The following CREB5 variants were observed in gnomAD, a reference collection of about 807,000 sequenced individuals.
CREB5 encodes the protein cyclic AMP-responsive element-binding protein 5.
CREB5 carries 19 observed loss-of-function variants against 57.1 expected under a neutral mutation model. That is an observed-to-expected ratio of 0.33 (90% CI 0.23 to 0.49). The LOEUF (loss-of-function observed/expected upper bound fraction) is 0.49, where lower values mean the gene tolerates loss of function less well. Ranked by LOEUF, CREB5 falls within the 20% of genes least tolerant of loss-of-function variation. The pLI, the probability that CREB5 is intolerant of heterozygous loss-of-function variation, is 0.99. For synonymous variants in CREB5, 238 were observed against 238.3 expected (o/e 1.00, Z 0.01); for missense variants, 579 against 671.6 (o/e 0.86, Z 1.52).
At chr7:28,398,573 T>C (rs1787383605) in intron 1 of CREB5, among the ~76,000 whole-genome samples, 1 of 152,228 alleles carries the variant, frequency 6.6e-6, no homozygotes, top group African/African-American at 2.4e-5. Flanking sequence ...AGGGAGAATA[T>C]ATATTGCTTT....
intron 3 of CREB5, among the ~76,000 whole-genome samples, chr7:28,497,466 G>T (rs1428020912): frequency 6.6e-6 from 1 of 152,204 alleles, no homozygotes; most frequent in Non-Finnish European, 1.5e-5. Flanking sequence ...AAAATGAAGA[G>T]AAAAACAGTA....
At chr7:28,711,532 C>T (rs556798269) in intron 5 of CREB5, among the ~76,000 whole-genome samples, 4 of 152,234 alleles carry the variant, frequency 2.6e-5, no homozygotes, top group South Asian at 2.1e-4. Context: ...GGTAATAAGA[C>T]GTCTTTTAAA....
chr7:28,354,821 A>G (rs1786308040), intron 1 of CREB5, among the ~76,000 whole-genome samples: 1 of 152,154 alleles, frequency 6.6e-6, no homozygotes, highest in Non-Finnish European at 1.5e-5. Flanking sequence ...ACTTGTTGAT[A>G]ATGGGAGAAG....
chr7:28,495,037 G>C, intron 3 of CREB5, 38 bp downstream of exon 3: 1 of 1,451,410 alleles, frequency 6.9e-7, no homozygotes, highest in Non-Finnish European at 9.4e-7. Context: ...TGGGTGATCA[G>C]ATCTGTTCCA....
At chr7:28,646,304 C>T (rs1798885140) in intron 5 of CREB5, among the ~76,000 whole-genome samples, 1 of 152,082 alleles carries the variant, frequency 6.6e-6, no homozygotes, top group Non-Finnish European at 1.5e-5. Context: ...TCTAAAGATC[C>T]CGAGCAAACC....
intron 1 of CREB5, among the ~76,000 whole-genome samples, chr7:28,358,223 T>C (rs1786385081): frequency 1.3e-5 from 2 of 152,212 alleles, no homozygotes; most frequent in African/African-American, 2.4e-5. Flanking sequence ...ACAGGCTCTG[T>C]CTACCTTATC....
chr7:28,769,239 A>G (rs1806188727), intron 7 of CREB5, among the ~76,000 whole-genome samples: 2 of 152,236 alleles, frequency 1.3e-5, no homozygotes, highest in Admixed American at 1.3e-4. Context: ...ATGAACCTCT[A>G]GTGCTTGTAA....
In CREB5 at chr7:28,466,417, G is replaced by T. The variant is rs974718963; in HGVS notation, c.4-21758G>T. On this transcript the variant is annotated intron_variant, in intron 1 of 10. Coordinates refer to ENST00000357727, the MANE Select transcript of CREB5 (RefSeq NM_182898.4). ...AAGCCTGTAGGCGTTGCAGTTGGCA[G>T]ATGTGTGTTTGGTTCCTGGCTCTCT... Among the ~76,000 whole-genome samples the T allele has an allele frequency of 2.6e-5, 4 of 152,182 alleles. No individual in the cohort carries two copies. The East Asian group carries it at 5.8e-4, about 22-fold the overall frequency.
intron 5 of CREB5, among the ~76,000 whole-genome samples, chr7:28,576,998 T>C (rs903639759): frequency 2.6e-5 from 4 of 152,230 alleles, no homozygotes; most frequent in Admixed American, 6.5e-5. Context: ...ATTGAAAAGA[T>C]ATGCCTGGAA....
chr7:28,656,187 G>A (rs768347777), intron 5 of CREB5, among the ~76,000 whole-genome samples: 25 of 152,070 alleles, frequency 1.6e-4, no homozygotes, highest in Non-Finnish European at 3.5e-4. Context: ...AACCAAAAAG[G>A]CACAATGAAC....
intron 7 of CREB5, chr7:28,749,537 A>T (rs1804863929): frequency 6.6e-6 from 1 of 152,266 alleles, no homozygotes; most frequent in Admixed American, 6.5e-5. Flanking sequence ...ATTATTATTG[A>T]ACAAGAAATC....
intron 1 of CREB5, among the ~76,000 whole-genome samples, chr7:28,429,580 A>G (rs1352518883): frequency 6.6e-6 from 1 of 152,196 alleles, no homozygotes; most frequent in Non-Finnish European, 1.5e-5. Flanking sequence ...TGCCTTGGGA[A>G]CAAACGCTTT....
chr7:28,702,270 A>G (rs915086562), intron 5 of CREB5, among the ~76,000 whole-genome samples: 31 of 152,244 alleles, frequency 2.0e-4, no homozygotes, highest in African/African-American at 6.8e-4. Flanking sequence ...GAGCTTCAAC[A>G]ACTGAAACCA....
At chr7:28,457,388 C>T (rs1294298583) in intron 1 of CREB5, among the ~76,000 whole-genome samples, 1 of 152,102 alleles carries the variant, frequency 6.6e-6, no homozygotes, top group East Asian at 1.9e-4. Context: ...CTGAAATAAG[C>T]AGAGGGATGA....
rs141060327 is a variant in CREB5 at position 28,515,623 on chromosome 7, T to G, written c.291+7886T>G. ...AGAGGCATGTTTCACCCTCCCACTC[T>G]GGGACTCAGCTCCCTCCCTACCCTC... On this transcript the variant is annotated intron_variant, in intron 4 of 10. Coordinates refer to ENST00000357727, the MANE Select transcript of CREB5 (RefSeq NM_182898.4). Among the ~76,000 whole-genome samples the G allele has an allele frequency of 4.9e-3, 739 of 152,258 alleles. 7 individuals are homozygous for G. Among genetic ancestry groups the G allele is most frequent in the African/African-American group, 0.017 (704 of 41,542 alleles).
intron 5 of CREB5, among the ~76,000 whole-genome samples, chr7:28,716,247 A>G (rs1269499430): frequency 6.6e-6 from 1 of 152,212 alleles, no homozygotes; most frequent in African/African-American, 2.4e-5. Flanking sequence ...ATCCTAATGA[A>G]CAATATTATT....
chr7:28,772,536 T>C (rs2128777423), intron 7 of CREB5, among the ~76,000 whole-genome samples: 1 of 152,194 alleles, frequency 6.6e-6, no homozygotes, highest in South Asian at 2.1e-4. Context: ...AGGCATGAAA[T>C]TGCCCGTTCA....
At chr7:28,519,937 T>A (rs1793136475) in intron 4 of CREB5, among the ~76,000 whole-genome samples, 1 of 152,194 alleles carries the variant, frequency 6.6e-6, no homozygotes, top group South Asian at 2.1e-4. Context: ...AGCTCACATA[T>A]GTGCATTAAA....
At position 28,604,612 on chromosome 7, in the gene CREB5, T is replaced by C. The variant is rs529700307; in HGVS notation, c.464+34075T>C. The stretch of plus-strand genomic sequence containing the variant: ...GATAATTTCTCAGTAAATAATAAAA[T>C]AATAAATATTAAATAATAAAATAAA... On this transcript the variant is annotated intron_variant, in intron 5 of 10. Transcript: ENST00000357727. 6.6e-4 allele frequency among the ~76,000 whole-genome samples: 100 copies of C among 151,236 alleles called. 2 individuals are homozygous for C. The highest frequency in any genetic ancestry group is 8.3e-4 in the South Asian group (4 of 4,818).
Sources: gnomAD v4.1 joint callset for allele counts (sites outside exome capture counted in the v4.1 genomes callset) on GRCh38, gnomAD v4.1.1 for gene constraint, MANE v1.5 for transcripts, NCBI Gene and HGNC (gene_info 2026-07-23, HGNC 2026-07-21) for gene names.